DSCAM: variants seen among roughly 807,000 people sequenced by gnomAD.
DSCAM encodes DS cell adhesion molecule.
DSCAM carries 47 observed loss-of-function variants against 217.7 expected under a neutral mutation model. The observed-to-expected ratio is 0.22, with a 90% CI of 0.17 to 0.28. The LOEUF is 0.28. Among genes scored for constraint, DSCAM ranks in the 10% least tolerant of loss-of-function variants. DSCAM has a pLI of 1.00. For synonymous variants in DSCAM, 1,056 were observed against 1,015.3 expected (o/e 1.04, Z -0.76); for missense variants, 2,080 against 2,618.3 (o/e 0.79, Z 4.49).
At chr21:40,078,456 G>C (rs577484161) in intron 26 of DSCAM, among the ~76,000 whole-genome samples, 1 of 152,286 alleles carries the variant, frequency 6.6e-6, no homozygotes, top group South Asian at 2.1e-4. Context: ...TGACTCCCCA[G>C]TGAGACTCCC....
At chr21:40,071,435 CATT>C (rs1324269271) in intron 27 of DSCAM, among the ~76,000 whole-genome samples, 1 of 152,224 alleles carries the variant, frequency 6.6e-6, no homozygotes, top group East Asian at 1.9e-4. Flanking sequence ...CATAAAATAA[CATT>C]ATATTATATT....
chr21:40,150,835 A>C (rs941086605), intron 16 of DSCAM, among the ~76,000 whole-genome samples: 2 of 152,226 alleles, frequency 1.3e-5, no homozygotes, highest in African/African-American at 2.4e-5. Flanking sequence ...TCTTTAGAAC[A>C]CTGTATTAAG....
At chr21:40,484,981 C>T (rs1480703293) in intron 3 of DSCAM, among the ~76,000 whole-genome samples, 2 of 152,166 alleles carry the variant, frequency 1.3e-5, no homozygotes, top group Non-Finnish European at 2.9e-5. Flanking sequence ...TTCATTTCCA[C>T]TCATCTGCAT....
intron 3 of DSCAM, among the ~76,000 whole-genome samples, chr21:40,442,506 ATTTTTTTTTTGTTTTT>A (rs2145915666): frequency 9.3e-6 from 1 of 107,134 alleles, no homozygotes; most frequent in East Asian, 2.4e-4. Flanking sequence ...AAGACCCCTA[ATTTTTTTTTTGTTTTT>A]TTTTTTTTTT....
intron 1 of DSCAM, among the ~76,000 whole-genome samples, chr21:40,786,637 T>G (rs969881913): frequency 2.0e-5 from 3 of 152,150 alleles, no homozygotes; most frequent in African/African-American, 7.2e-5. Flanking sequence ...AAGCCAGACC[T>G]TTGGTCAAAT....
At chr21:40,066,587 A>G (rs1385277776) in intron 27 of DSCAM, among the ~76,000 whole-genome samples, 2 of 152,218 alleles carry the variant, frequency 1.3e-5, no homozygotes, top group Non-Finnish European at 2.9e-5. Flanking sequence ...TGCTCATTAT[A>G]CGTGTTGCAA....
At chr21:40,817,863 G>A (rs1347186489) in intron 1 of DSCAM, among the ~76,000 whole-genome samples, 5 of 151,566 alleles carry the variant, frequency 3.3e-5, no homozygotes, top group African/African-American at 4.9e-5. Flanking sequence ...TTGGGAGGCC[G>A]AGGCGGGTGG....
intron 28 of DSCAM, among the ~76,000 whole-genome samples, chr21:40,060,569 G>A (rs1382862329): frequency 6.6e-6 from 1 of 151,980 alleles, no homozygotes; most frequent in African/African-American, 2.4e-5. Context: ...AGCAGGCCCG[G>A]GGTGGGGTAG....
intron 1 of DSCAM, among the ~76,000 whole-genome samples, chr21:40,754,064 G>A (rs1374190549): frequency 6.6e-6 from 1 of 152,204 alleles, no homozygotes; most frequent in African/African-American, 2.4e-5. Flanking sequence ...GCAAGAAACA[G>A]CCGTGAGGTC....
intron 3 of DSCAM, among the ~76,000 whole-genome samples, chr21:40,518,720 A>T (rs2076335774): frequency 6.8e-6 from 1 of 146,372 alleles, no homozygotes; most frequent in African/African-American, 2.6e-5. Flanking sequence ...ACACCACCTA[A>T]AACCTTAAAA....
At chr21:40,497,351 T>C (rs1002593980) in intron 3 of DSCAM, among the ~76,000 whole-genome samples, 4 of 152,104 alleles carry the variant, frequency 2.6e-5, no homozygotes, top group African/African-American at 9.7e-5. Flanking sequence ...AAGGACATTA[T>C]GTTAAGTAAA....
At chr21:40,839,457 C>A (rs2092082688) in intron 1 of DSCAM, among the ~76,000 whole-genome samples, 1 of 152,186 alleles carries the variant, frequency 6.6e-6, no homozygotes, top group East Asian at 1.9e-4. Flanking sequence ...GTTCAATGTC[C>A]TCCCTTCACC....
intron 8 of DSCAM, among the ~76,000 whole-genome samples, chr21:40,327,915 T>C (rs1160912148): frequency 2.0e-5 from 3 of 152,028 alleles, no homozygotes; most frequent in African/African-American, 4.8e-5. Context: ...AAAACTAAAA[T>C]ACTTATGAAT....
At chr21:40,178,276 GGTGAT>G (rs2090754924) in intron 15 of DSCAM, among the ~76,000 whole-genome samples, 1 of 152,044 alleles carries the variant, frequency 6.6e-6, no homozygotes, top group Admixed American at 6.6e-5. Flanking sequence ...TGCGTGTGTG[GGTGAT>G]GAAATTATTT....
At chr21:40,686,105 C>A (rs1255606524) in intron 3 of DSCAM, among the ~76,000 whole-genome samples, 1 of 150,814 alleles carries the variant, frequency 6.6e-6, no homozygotes, top group Admixed American at 6.8e-5. Flanking sequence ...GTTTTACACA[C>A]ACATACACAA....
At chr21:40,111,722 T>C (rs980485219) in intron 20 of DSCAM, among the ~76,000 whole-genome samples, 2 of 152,078 alleles carry the variant, frequency 1.3e-5, no homozygotes, top group African/African-American at 4.8e-5. Context: ...TGGAGGAAGA[T>C]CTACCAAGCA....
At chr21:40,466,099 A>G (rs888036066) in intron 3 of DSCAM, among the ~76,000 whole-genome samples, 6 of 152,188 alleles carry the variant, frequency 3.9e-5, no homozygotes, top group African/African-American at 9.7e-5. Flanking sequence ...CCACAGACAT[A>G]TGTGTGGTCC....
chr21:40,323,208 GGTT>G (rs1319455733), intron 8 of DSCAM, among the ~76,000 whole-genome samples: 4 of 152,034 alleles, frequency 2.6e-5, no homozygotes, highest in Non-Finnish European at 5.9e-5. Context: ...TTCCCTCCTC[GGTT>G]GTTGATCATA....
chr21:40,529,912 A>G (rs2076429885), intron 3 of DSCAM, among the ~76,000 whole-genome samples: 1 of 152,212 alleles, frequency 6.6e-6, no homozygotes, highest in African/African-American at 2.4e-5. Context: ...AGTTTATGGG[A>G]ACAGGCTTGT....
Sources: gnomAD v4.1 joint callset for allele counts (sites outside exome capture counted in the v4.1 genomes callset) on GRCh38, gnomAD v4.1.1 for gene constraint, MANE v1.5 for transcripts, NCBI Gene and HGNC (gene_info 2026-07-23, HGNC 2026-07-21) for gene names.